ZNF638: variants seen among roughly 807,000 people sequenced by gnomAD.
ZNF638 encodes CTCL tumor antigen se33-1.
In ZNF638, 46 loss-of-function variants were observed where a neutral mutation model predicts 195.6. The observed-to-expected ratio is 0.24, with a 90% CI of 0.19 to 0.30. The LOEUF (loss-of-function observed/expected upper bound fraction) is 0.30, where lower values mean the gene tolerates loss of function less well. Ranked by LOEUF, ZNF638 falls within the 10% of genes least tolerant of loss-of-function variation. The probability of loss-of-function intolerance (pLI) is 1.00; values close to 1 mark genes in which losing one functional copy is unlikely to be tolerated. For synonymous variants in ZNF638, 845 were observed against 772.0 expected (o/e 1.09, Z -1.57); for missense variants, 2,440 against 2,325.3 (o/e 1.05, Z -1.01).
chr2:71,383,744 CTTTTTTTTTTTCTTTTTCTTT>C (rs1256025092), intron 10 of ZNF638, among the ~76,000 whole-genome samples: 12 of 92,534 alleles, frequency 1.3e-4, no homozygotes, highest in African/African-American at 5.4e-4. Context: ...GCTAATTTTT[CTTTTTTTTTTTCTTTTTCTTT>C]TTTTTTTTTT....
chr2:71,417,817 T>G (rs1015220386), intron 20 of ZNF638, among the ~76,000 whole-genome samples: 1 of 152,218 alleles, frequency 6.6e-6, no homozygotes, highest in Non-Finnish European at 1.5e-5. Flanking sequence ...GTAAAGGAAG[T>G]CTTTACTGTT....
At chr2:71,368,272 G>T (rs1271844242) in intron 6 of ZNF638, 110 bp from the exon 7 acceptor site, 1 of 979,182 alleles carries the variant, frequency 1.0e-6, no homozygotes, top group Non-Finnish European at 1.4e-6. Context: ...ATATGGAAAA[G>T]ACCCTTTAGT....
At position 71,434,804 on chromosome 2, in the gene ZNF638, G is replaced by C; in HGVS notation, c.5934G>C (p.Arg1978Ser). 1.2e-6 allele frequency: 2 copies of C among 1,602,018 alleles called. No homozygotes were observed. Among genetic ancestry groups the C allele is most frequent in the Non-Finnish European group, 1.7e-6 (2 of 1,176,130 alleles). Residue 1978 changes from arginine (R) to serine (S), a missense_variant, in exon 28 of 28, where the codon AGG becomes AGC. Physicochemically the swap from Arg to Ser is moderately radical, Grantham distance 110 (BLOSUM62 -1). Transcript: ENST00000264447. ...ATGAGGCTGAAGAAAGAAGCTCTAG[G>C]TGATTGGGGGAAAGGAAAGAATTCA... is the stretch of plus-strand genomic sequence containing the variant. ...EQNEAEERSS[R>S]
rs914706223 is a variant in ZNF638, at chr2:71,422,814, C to T, written c.3300C>T (p.Ser1100=). 1.2e-6 allele frequency: 2 copies of T among 1,605,762 alleles called. No individual in the cohort carries two copies. The highest frequency in any genetic ancestry group is 1.7e-6 in the Non-Finnish European group (2 of 1,176,284). ...IEHDPELEKE[S]PGLKNSPIDE... Reference sequence around the variant, plus strand: ...TTTGTTTGTTTTTAAATACTTTTAGCCCTGGCTTGAAAAACAGTCCAATTG... The same window carrying T: ...TTTGTTTGTTTTTAAATACTTTTAGTCCTGGCTTGAAAAACAGTCCAATTG... Residue 1100 remains serine (S), a splice_region_variant and synonymous_variant, in exon 22 of 28, where the codon AGC becomes AGT. Coordinates refer to ENST00000264447, the MANE Select transcript of ZNF638 (RefSeq NM_014497.5).
intron 21 of ZNF638, among the ~76,000 whole-genome samples, chr2:71,421,035 A>G (rs539476724): frequency 6.6e-6 from 1 of 152,276 alleles, no homozygotes; most frequent in East Asian, 1.9e-4. Context: ...GTCTTGCTAT[A>G]TCCTTGAGCC....
intron 11 of ZNF638, 72 bp downstream of exon 11, chr2:71,396,263 G>A: frequency 1.6e-6 from 2 of 1,267,626 alleles, no homozygotes; most frequent in Non-Finnish European, 2.2e-6. Flanking sequence ...TATGGCAGTA[G>A]TAGTCTTGGA....
chr2:71,355,630 C>A (rs898176378), intron 2 of ZNF638, 89 bp from the exon 3 acceptor site: 4 of 963,548 alleles, frequency 4.2e-6, no homozygotes, highest in African/African-American at 3.4e-5. Flanking sequence ...AATTTTTGAA[C>A]AAAATATTAT....
At position 71,388,385 on chromosome 2, in the gene ZNF638, C is replaced by G. The variant is rs537656993; in HGVS notation, c.2378-7756C>G. The G allele has an allele frequency of 1.2e-4, 78 of 637,324 alleles. No homozygotes were observed. In the African/African-American group the frequency reaches 1.3e-3, roughly 11 times the overall value. The allele number at this position is 637,324 out of a possible 1,614,324, so 39.5% of individuals were successfully genotyped here. ...GACCTTTGATCATCCGACCTTTGAT[C>G]ATCTGACCTTTGATCATCCGCGTGC... is the stretch of plus-strand genomic sequence containing the variant. On this transcript the variant is annotated intron_variant, in intron 10 of 27. Coordinates refer to ENST00000264447, the MANE Select transcript of ZNF638 (RefSeq NM_014497.5).
intron 21 of ZNF638, among the ~76,000 whole-genome samples, 182 bp from the exon 22 acceptor site, chr2:71,422,632 C>A (rs894256605): frequency 2.0e-5 from 3 of 152,158 alleles, no homozygotes; most frequent in African/African-American, 7.2e-5. Flanking sequence ...GTATTTCCAG[C>A]AATACATCTT....
chr2:71,421,013 G>T (rs1365875203), intron 21 of ZNF638, among the ~76,000 whole-genome samples: 1 of 152,150 alleles, frequency 6.6e-6, no homozygotes, highest in African/African-American at 2.4e-5. Flanking sequence ...TGAAAAACTT[G>T]TGAAGGGGAA....
intron 20 of ZNF638, among the ~76,000 whole-genome samples, chr2:71,414,130 A>G (rs898744810): frequency 4.2e-5 from 6 of 143,666 alleles, no homozygotes; most frequent in African/African-American, 1.5e-4. Context: ...TTGGTAAACT[A>G]TTGATTATTG....
At chr2:71,398,962 C>CA (rs1188902182) in intron 12 of ZNF638, among the ~76,000 whole-genome samples, 190 bp downstream of exon 12, 3 of 152,098 alleles carry the variant, frequency 2.0e-5, no homozygotes, top group Non-Finnish European at 2.9e-5. Context: ...TGTAAACAAT[C>CA]ACATATATAT....
In ZNF638 at chr2:71,410,989, C is replaced by T. The variant is rs1480857928; in HGVS notation, c.3261+2742C>T. Among the ~76,000 whole-genome samples the T allele has an allele frequency of 4.6e-5, 4 of 86,230 alleles. 1 individual carries two copies. In the East Asian group the frequency reaches 1.0e-3, roughly 22 times the overall value. The allele number at this position is 86,230 out of a possible 152,430, so 56.6% of individuals were successfully genotyped here. ...TTTCTCCCCACCCACCACCTCCCCC[C>T]CCCTTTTTTTTTTTTTTTTTTTTGT... On this transcript the variant is annotated intron_variant, in intron 20 of 27. Transcript: ENST00000264447.
Position 71,427,007 on chromosome 2 carries a change from A to T in ZNF638, c.5138A>T (p.Asp1713Val). 1.9e-6 allele frequency: 3 copies of T among 1,612,632 alleles called. No homozygotes were observed. The highest frequency in any genetic ancestry group is 2.5e-6 in the Non-Finnish European group (3 of 1,179,462). ...TTAAATACTAAAGGAAATGAAGGAGATACTGTAAGGGATTCCATTGGCTTC... is the reference window on the plus strand; with the variant it reads ...TTAAATACTAAAGGAAATGAAGGAGTTACTGTAAGGGATTCCATTGGCTTC... ...ATLNTKGNEGDTVRDSIGFIS... is the reference protein window; with the variant it reads ...ATLNTKGNEGVTVRDSIGFIS... Residue 1713 changes from aspartate to valine, a missense_variant, in exon 24 of 28, where the codon GAT becomes GTT. By Grantham distance (152) the Asp-to-Val change is radical (BLOSUM62 -3). Transcript: ENST00000264447.
In ZNF638 at chr2:71,364,115, A is replaced by T; in HGVS notation, c.1580A>T (p.His527Leu). 6.2e-7 allele frequency: 1 copy of T among 1,614,148 alleles called. No homozygotes were observed. The highest frequency in any genetic ancestry group is 8.5e-7 in the Non-Finnish European group (1 of 1,180,018). Reference protein sequence around the residue: ...RPRSRSPRICHRFISRYRSRS... With the variant: ...RPRSRSPRICLRFISRYRSRS... ...AGAAGTCGAAGTCCAAGAATTTGCC[A>T]TCGTTTCATTTCTAGATACAGATCC... Residue 527 changes from histidine (H) to leucine (L), a missense_variant, in exon 5 of 28, where the codon CAT becomes CTT. Transcript: ENST00000264447.
At chr2:71,387,493 A>G (rs1188730408) in intron 10 of ZNF638, among the ~76,000 whole-genome samples, 1 of 152,088 alleles carries the variant, frequency 6.6e-6, no homozygotes, top group Admixed American at 6.5e-5. Context: ...CAACATGGTG[A>G]AATCCCATCT....
Position 71,426,754 on chromosome 2 carries a change from G to C in ZNF638, c.4885G>C (p.Glu1629Gln), listed in dbSNP as rs759199913. The C allele has an allele frequency of 9.9e-6, 16 of 1,613,720 alleles. No homozygotes were observed. The highest frequency in any genetic ancestry group is 1.3e-5 in the Non-Finnish European group (15 of 1,179,906). Residue 1629 changes from glutamate (E) to glutamine (Q), a missense_variant, in exon 24 of 28, where the codon GAA becomes CAA. Glu to Gln is a conservative substitution (Grantham distance 29). Transcript: ENST00000264447. ...TGTGGATGAAGTAATTGATGAAGAAGAACTAAATATGGAAGAAATGGTAAA... is the reference window on the plus strand; with the variant it reads ...TGTGGATGAAGTAATTGATGAAGAACAACTAAATATGGAAGAAATGGTAAA... The part of the protein sequence containing the change: ...VTVDEVIDEE[E>Q]LNMEEMVKNS...
chr2:71,431,327 TTGA>T lies in ZNF638; in HGVS notation c.5655_5657del (p.Asp1885del), dbSNP rs751996209. 6.2e-7 allele frequency: 1 copy of T among 1,609,632 alleles called. No individual in the cohort carries two copies. Among genetic ancestry groups the T allele is most frequent in the South Asian group, 1.1e-5 (1 of 90,816 alleles). On this transcript the variant is annotated inframe_deletion and splice_region_variant, in exon 26 of 28. Transcript: ENST00000264447. Reference sequence around the variant, plus strand: ...GCTTTTTTTCCTCGAAAAATTTTAGTTGATGAGGAATCTGGATTAAAGGATTCA... The same window carrying T: ...GCTTTTTTTCCTCGAAAAATTTTAGTTGAGGAATCTGGATTAAAGGATTCA...
chr2:71,354,735 C>CA lies in ZNF638; in HGVS notation c.1318-974dup, dbSNP rs70959234. ...CTAGGCAGCAAGAGTGAAACTGTCT[C>CA]AAAAAAAAAAGAAAAGAAAAAAAAA... On this transcript the variant is annotated intron_variant, in intron 2 of 27. Coordinates refer to ENST00000264447, the MANE Select transcript of ZNF638 (RefSeq NM_014497.5). Among the ~76,000 whole-genome samples, 6 of 138,708 alleles carry CA rather than the reference C, an allele frequency of 4.3e-5. No homozygotes were observed. The East Asian group carries it at 1.1e-3, about 25-fold the overall frequency. The allele number at this position is 138,708 out of a possible 152,430, so 91.0% of individuals were successfully genotyped here.
Sources: gnomAD v4.1 joint callset for allele counts (sites outside exome capture counted in the v4.1 genomes callset) on GRCh38, gnomAD v4.1.1 for gene constraint, MANE v1.5 for transcripts, NCBI Gene and HGNC (gene_info 2026-07-23, HGNC 2026-07-21) for gene names.